TENM4: variants seen among roughly 807,000 people sequenced by gnomAD.
The protein encoded by TENM4 is teneurin-4.
Under a neutral mutation model 243.3 loss-of-function variants are expected in TENM4, and 82 were observed. That is an observed-to-expected ratio of 0.34 (90% CI 0.28 to 0.40). TENM4 has a LOEUF of 0.40. Among genes scored for constraint, TENM4 ranks in the 10% least tolerant of loss-of-function variants. The pLI, the probability that TENM4 is intolerant of heterozygous loss-of-function variation, is 1.00. For missense variants in TENM4, 3,138 were observed against 3,673.3 expected, an observed-to-expected ratio of 0.85 and a Z score of 3.77; for synonymous variants, 1,412 against 1,456.3, an observed-to-expected ratio of 0.97 and a Z score of 0.69.
Position 79,164,056 on chromosome 11 carries a change from GTATATATAGTGTA to G in TENM4, c.-162-15263_-162-15251del, listed in dbSNP as rs1862832545. ...AGTATATATACACTATAAATACTAT[GTATATATAGTGTA>G]TATATACACTATATATACTATGTAT... On this transcript the variant is annotated intron_variant, in intron 3 of 33. Transcript: ENST00000278550. 2.8e-4 allele frequency among the ~76,000 whole-genome samples: 5 copies of G among 17,850 alleles called. No individual in the cohort carries two copies. The South Asian group carries it at 6.6e-3, about 24-fold the overall frequency. The allele number at this position is 17,850 out of a possible 152,430, so 11.7% of individuals were successfully genotyped here. A position where few individuals can be genotyped will look rare whatever the true frequency, so the allele number is the denominator to read the frequency against.
intron 6 of TENM4, among the ~76,000 whole-genome samples, chr11:78,980,139 T>A (rs925079530): frequency 2.6e-5 from 4 of 152,236 alleles, no homozygotes; most frequent in African/African-American, 9.6e-5. Flanking sequence ...AGTCCTTTGC[T>A]GTCAGAAGAA....
At chr11:78,865,973 A>G (rs1466299665) in intron 9 of TENM4, among the ~76,000 whole-genome samples, 7 of 152,248 alleles carry the variant, frequency 4.6e-5, no homozygotes, top group African/African-American at 1.7e-4. Context: ...CGTGATAACC[A>G]TTCATTGCAT....
chr11:79,435,992 G>A (rs1173846314), intron 1 of TENM4, among the ~76,000 whole-genome samples: 1 of 152,132 alleles, frequency 6.6e-6, no homozygotes, highest in African/African-American at 2.4e-5. Flanking sequence ...TTCATTTCAC[G>A]CATTTGAAGC....
intron 1 of TENM4, among the ~76,000 whole-genome samples, chr11:79,424,983 AGTT>A (rs994297579): frequency 2.0e-5 from 3 of 152,142 alleles, no homozygotes; most frequent in African/African-American, 7.2e-5. Flanking sequence ...AGCCTGGTCT[AGTT>A]GTGGCTCAGC....
At chr11:79,290,362 AT>A (rs1258575004) in intron 2 of TENM4, among the ~76,000 whole-genome samples, 2 of 152,190 alleles carry the variant, frequency 1.3e-5, no homozygotes, top group African/African-American at 4.8e-5. Context: ...GGTTATTGTT[AT>A]TTCTTTTGAG....
chr11:78,781,241 C>T (rs1014865610), intron 16 of TENM4, among the ~76,000 whole-genome samples: 2 of 152,186 alleles, frequency 1.3e-5, no homozygotes, highest in Non-Finnish European at 2.9e-5. Context: ...AAAGATGATG[C>T]AAGCTTTGCA....
At chr11:78,969,137 G>A (rs537935984) in intron 6 of TENM4, among the ~76,000 whole-genome samples, 4 of 152,282 alleles carry the variant, frequency 2.6e-5, no homozygotes, top group South Asian at 2.1e-4. Context: ...TATTGATTTC[G>A]TCTGCCATCT....
In TENM4 at chr11:79,332,515, C is replaced by T. The variant is rs562321833; in HGVS notation, c.-320-34972G>A. On this transcript the variant is annotated intron_variant, in intron 1 of 33. Coordinates refer to ENST00000278550, the MANE Select transcript of TENM4 (RefSeq NM_001098816.3). ...AAAAAAAATAAGGCCAACCTTATGC[C>T]GGCCCACCGAAATCCATCTGGGGGC... 7.2e-5 allele frequency among the ~76,000 whole-genome samples: 11 copies of T among 152,122 alleles called. No homozygotes were observed. The South Asian group carries it at 1.5e-3, about 20-fold the overall frequency.
intron 6 of TENM4, among the ~76,000 whole-genome samples, chr11:78,937,807 A>T (rs1856817188): frequency 6.6e-6 from 1 of 152,232 alleles, no homozygotes; most frequent in Non-Finnish European, 1.5e-5. Context: ...GCTGTAATTT[A>T]AACAACGAAT....
intron 6 of TENM4, among the ~76,000 whole-genome samples, chr11:79,006,276 G>A (rs1484021418): frequency 6.6e-6 from 1 of 152,060 alleles, no homozygotes; most frequent in East Asian, 1.9e-4. Context: ...CAAGAAAATG[G>A]GTGGCACCTT....
rs760037052 is a variant in TENM4, at chr11:78,786,967, C to T, written c.2296G>A (p.Glu766Lys). Residue 766 changes from glutamate (E) to lysine (K), a missense_variant, in exon 16 of 34, where the codon GAG becomes AAG. By Grantham distance (56) the Glu-to-Lys change is moderately conservative. Transcript: ENST00000278550. ...DQRACHPRCA[E>K]HGTCRDGKCE... Reference sequence around the variant, plus strand: ...TTGCCGTCGCGGCAGGTCCCATGCTCGGCACAGCGCGGGTGGCAGGCCCGC... The same window carrying T: ...TTGCCGTCGCGGCAGGTCCCATGCTTGGCACAGCGCGGGTGGCAGGCCCGC... 10 of 1,593,698 alleles carry T rather than the reference C, an allele frequency of 6.3e-6. No individual in the cohort carries two copies. The highest frequency in any genetic ancestry group is 4.6e-5 in the East Asian group (2 of 43,756).
In TENM4 at chr11:78,654,498, T is replaced by G. The variant is rs1488112356; in HGVS notation, c.*3560A>C. 6.6e-6 allele frequency: 1 copy of G among 152,224 alleles called. No homozygotes were observed. Among genetic ancestry groups the G allele is most frequent in the Non-Finnish European group, 1.5e-5 (1 of 68,050 alleles). The allele number at this position is 152,224 out of a possible 1,614,324, so 9.4% of individuals were successfully genotyped here. A position where few individuals can be genotyped will look rare whatever the true frequency, so the allele number is the denominator to read the frequency against. On this transcript the variant is annotated 3_prime_UTR_variant, in exon 34 of 34. Transcript: ENST00000278550. The stretch of plus-strand genomic sequence containing the variant: ...AGCTGCGAAGATTTGTTTTTCTTCT[T>G]TTTTCAAATTCTGATTCTTTGTTCT...
chr11:79,373,431 T>G (rs1207272675), intron 1 of TENM4, among the ~76,000 whole-genome samples: 3 of 151,992 alleles, frequency 2.0e-5, no homozygotes, highest in Non-Finnish European at 4.4e-5. Flanking sequence ...GCTGGCTGGC[T>G]GGATGAATGG....
chr11:78,993,067 T>A (rs1029361719), intron 6 of TENM4, among the ~76,000 whole-genome samples: 1 of 152,210 alleles, frequency 6.6e-6, no homozygotes, highest in Non-Finnish European at 1.5e-5. Flanking sequence ...ATTTAATTGA[T>A]TGTTGAACAG....
chr11:78,693,963 C>A (rs952059973), intron 28 of TENM4, among the ~76,000 whole-genome samples: 20 of 152,042 alleles, frequency 1.3e-4, no homozygotes, highest in Admixed American at 1.1e-3. Context: ...TGCCGTGAGC[C>A]GAGATCGCAC....
intron 6 of TENM4, among the ~76,000 whole-genome samples, chr11:78,956,824 A>G (rs12422073): frequency 0.083 from 12,597 of 152,272 alleles, 936 homozygotes; most frequent in East Asian, 0.25. Context: ...ATAAGTATTC[A>G]TGTTTCACGG....
chr11:78,855,353 A>G (rs1207995242), intron 11 of TENM4, among the ~76,000 whole-genome samples: 1 of 152,174 alleles, frequency 6.6e-6, no homozygotes, highest in African/African-American at 2.4e-5. Flanking sequence ...TTCTTCATTA[A>G]TCATGATTGG....
intron 6 of TENM4, among the ~76,000 whole-genome samples, chr11:78,977,666 G>T (rs562796635): frequency 2.6e-5 from 4 of 152,170 alleles, no homozygotes; most frequent in Admixed American, 2.6e-4. Context: ...ACCATCTCAC[G>T]CCAGTTAGAA....
rs552141898 is a variant in TENM4 at position 78,911,773 on chromosome 11, C to T, written c.494-8250G>A. ...CTAAGAAGGCCCTCACCAGATGTGGCCCCCTGGACTTTGGATTTCCTAGCT... is the reference window on the plus strand; with the variant it reads ...CTAAGAAGGCCCTCACCAGATGTGGTCCCCTGGACTTTGGATTTCCTAGCT... On this transcript the variant is annotated intron_variant, in intron 6 of 33. Coordinates refer to ENST00000278550, the MANE Select transcript of TENM4 (RefSeq NM_001098816.3). 7.2e-5 allele frequency among the ~76,000 whole-genome samples: 11 copies of T among 152,274 alleles called. No homozygotes were observed. The East Asian group carries it at 1.2e-3, about 16-fold the overall frequency.
Sources: allele counts gnomAD v4.1 joint callset (sites outside exome capture counted in the v4.1 genomes callset), GRCh38; gene constraint gnomAD v4.1.1; transcripts MANE v1.5; gene names NCBI Gene and HGNC (gene_info 2026-07-23, HGNC 2026-07-21).